SGK1: variants seen among roughly 807,000 people sequenced by gnomAD.
The protein encoded by SGK1 is serum/glucocorticoid regulated kinase 1.
SGK1 carries 26 observed loss-of-function variants against 64.2 expected under a neutral mutation model. That is an observed-to-expected ratio of 0.40 (90% CI 0.30 to 0.56). The LOEUF is 0.56. Among genes scored for constraint, SGK1 ranks in the 20% least tolerant of loss-of-function variants. The probability of loss-of-function intolerance (pLI) is 0.38; values close to 1 mark genes in which losing one functional copy is unlikely to be tolerated. For synonymous variants in SGK1, 265 were observed against 239.7 expected (o/e 1.11, Z -0.98); for missense variants, 519 against 645.6 (o/e 0.80, Z 2.12).
At chr6:134,249,516 C>T (rs1157819311) in intron 2 of SGK1, 1 of 152,260 alleles carries the variant, frequency 6.6e-6, no homozygotes, top group African/African-American at 2.4e-5. Flanking sequence ...GAGAAGCCTT[C>T]ACTGGCCCCT....
chr6:134,291,245 A>G (rs1777259123), intron 1 of SGK1, among the ~76,000 whole-genome samples: 1 of 152,186 alleles, frequency 6.6e-6, no homozygotes, highest in Admixed American at 6.5e-5. Flanking sequence ...TCCTTACTGT[A>G]GCAGAGCGGT....
At chr6:134,259,408 G>C (rs1286376752) in intron 2 of SGK1, among the ~76,000 whole-genome samples, 1 of 151,798 alleles carries the variant, frequency 6.6e-6, no homozygotes, top group Non-Finnish European at 1.5e-5. Context: ...GGGAGGCTGA[G>C]GCAGGCAGAT....
intron 3 of SGK1, among the ~76,000 whole-genome samples, chr6:134,202,700 G>A (rs1775705553): frequency 6.6e-6 from 1 of 151,982 alleles, no homozygotes; most frequent in African/African-American, 2.4e-5. Context: ...AAATTTCCAG[G>A]CTAAAGGGAA....
At chr6:134,174,132 C>T (rs1159448695) in intron 4 of SGK1, 52 bp from the exon 5 acceptor site, 2 of 1,321,914 alleles carry the variant, frequency 1.5e-6, no homozygotes, top group Admixed American at 2.1e-5. Context: ...CTAGGGGGCA[C>T]ACCAACATCA....
chr6:134,276,588 C>T (rs1055016756), intron 1 of SGK1, among the ~76,000 whole-genome samples: 1 of 152,152 alleles, frequency 6.6e-6, no homozygotes, highest in African/African-American at 2.4e-5. Flanking sequence ...TTAGCATGAT[C>T]TGATCAGATT....
intron 2 of SGK1, among the ~76,000 whole-genome samples, chr6:134,232,413 G>GAAAGAAAGAAAGAAAGAAAGAA (rs79009962): frequency 2.1e-5 from 1 of 47,706 alleles, no homozygotes; most frequent in Non-Finnish European, 4.2e-5. Flanking sequence ...AAGAAAGAAA[G>GAAAGAAAGAAAGAAAGAAAGAA]AGAAAGAAAG....
chr6:134,212,728 G>A (rs1627747), intron 2 of SGK1, among the ~76,000 whole-genome samples: 136,883 of 152,240 alleles, frequency 0.9, 62,018 homozygotes, highest in East Asian at 1. Context: ...ACATACCATG[G>A]GAGTAAAGAA....
At chr6:134,190,158 T>G (rs1364657285) in intron 3 of SGK1, among the ~76,000 whole-genome samples, 1 of 152,298 alleles carries the variant, frequency 6.6e-6, no homozygotes, top group South Asian at 2.1e-4. Flanking sequence ...CCCTAAGTAC[T>G]GTTTTTATAT....
chr6:134,300,546 A>G (rs1371317191), intron 1 of SGK1, among the ~76,000 whole-genome samples: 1 of 150,666 alleles, frequency 6.6e-6, no homozygotes, highest in African/African-American at 2.4e-5. Context: ...TCAAAAAAAA[A>G]AAAAAAAAGA....
At chr6:134,295,026 T>C (rs1203095792) in intron 1 of SGK1, among the ~76,000 whole-genome samples, 1 of 152,198 alleles carries the variant, frequency 6.6e-6, no homozygotes, top group East Asian at 1.9e-4. Context: ...ACATTTATAA[T>C]TGGAGAGACT....
intron 2 of SGK1, among the ~76,000 whole-genome samples, chr6:134,221,261 G>C (rs566254965): frequency 1.3e-5 from 2 of 152,274 alleles, no homozygotes; most frequent in East Asian, 3.9e-4. Flanking sequence ...CCAAGACTGT[G>C]CCACTGATCT....
chr6:134,250,838 A>G (rs1291734635), intron 2 of SGK1, among the ~76,000 whole-genome samples: 2 of 152,160 alleles, frequency 1.3e-5, no homozygotes, highest in Non-Finnish European at 2.9e-5. Context: ...CAGTGGCAAG[A>G]TCATGGCTCA....
At chr6:134,244,082 C>T (rs1776488605) in intron 2 of SGK1, among the ~76,000 whole-genome samples, 1 of 152,120 alleles carries the variant, frequency 6.6e-6, no homozygotes, top group Non-Finnish European at 1.5e-5. Flanking sequence ...CACCCATCAA[C>T]CCATCATCTA....
intron 2 of SGK1, among the ~76,000 whole-genome samples, chr6:134,224,653 T>A (rs1387336747): frequency 6.6e-6 from 1 of 152,208 alleles, no homozygotes; most frequent in Non-Finnish European, 1.5e-5. Flanking sequence ...TACTGCAATA[T>A]ACTGCAAGTG....
At chr6:134,299,953 C>CA (rs1777422078) in intron 1 of SGK1, among the ~76,000 whole-genome samples, 1 of 150,996 alleles carries the variant, frequency 6.6e-6, no homozygotes, top group Non-Finnish European at 1.5e-5. Context: ...GAAAGTAAGT[C>CA]AAAAAGAGAG....
intron 1 of SGK1, among the ~76,000 whole-genome samples, chr6:134,291,613 C>A (rs9493885): frequency 0.046 from 7,017 of 152,222 alleles, 414 homozygotes; most frequent in East Asian, 0.26. Flanking sequence ...CTTAAAATGA[C>A]GAATAACTCT....
chr6:134,255,511 C>T (rs955054665), intron 2 of SGK1, among the ~76,000 whole-genome samples: 1 of 151,064 alleles, frequency 6.6e-6, no homozygotes, highest in Non-Finnish European at 1.5e-5. Context: ...CACGTCACTG[C>T]ACTCTAGCCT....
At chr6:134,291,977 GC>G (rs760015326) in intron 1 of SGK1, among the ~76,000 whole-genome samples, 7 of 151,486 alleles carry the variant, frequency 4.6e-5, no homozygotes, top group Non-Finnish European at 7.4e-5. Flanking sequence ...TGAGGGACAA[GC>G]CTTGAACCCA....
intron 2 of SGK1, among the ~76,000 whole-genome samples, chr6:134,214,409 G>A (rs1247446836): frequency 6.6e-6 from 1 of 152,128 alleles, no homozygotes; most frequent in Non-Finnish European, 1.5e-5. Flanking sequence ...TAGCCAGCAT[G>A]GTGAAACCCC....
Sources: allele counts gnomAD v4.1 joint callset (sites outside exome capture counted in the v4.1 genomes callset), GRCh38; gene constraint gnomAD v4.1.1; transcripts MANE v1.5; gene names NCBI Gene and HGNC (gene_info 2026-07-23, HGNC 2026-07-21).